The following PC variants were observed in gnomAD, a reference collection of about 807,000 sequenced individuals.
PC encodes pyruvate carboxylase, mitochondrial.
Under a neutral mutation model 107.8 loss-of-function variants are expected in PC, and 46 were observed. The ratio of observed to expected loss-of-function variants is 0.43; its 90% CI spans 0.34 to 0.55. PC has a LOEUF of 0.55. Ranked by LOEUF, PC falls within the 20% of genes least tolerant of loss-of-function variation. PC has a pLI of 0.04. For synonymous variants in PC, 662 were observed against 684.7 expected (o/e 0.97, Z 0.52); for missense variants, 1,241 against 1,643.1 (o/e 0.76, Z 4.23).
At chr11:66,949,607 G>A (rs370378453) in intron 3 of PC, among the ~76,000 whole-genome samples, 6 of 151,958 alleles carry the variant, frequency 3.9e-5, no homozygotes, top group East Asian at 3.9e-4. Context: ...CAGAAGAATC[G>A]CTTGAACCAG....
At chr11:66,911,297 A>G (rs185983344) in intron 3 of PC, among the ~76,000 whole-genome samples, 3 of 152,146 alleles carry the variant, frequency 2.0e-5, no homozygotes, top group East Asian at 1.9e-4. Flanking sequence ...TCATGGCCCT[A>G]TCTCTGCTAC....
In PC at chr11:66,858,516, G is replaced by A. The variant is rs1438542016; in HGVS notation, c.1369-5133C>T. On this transcript the variant is annotated intron_variant, in intron 12 of 22. Coordinates refer to ENST00000393960, the MANE Select transcript of PC (RefSeq NM_001040716.2). The surrounding 1 kb of genome is among the most constrained non-coding windows in gnomAD (Gnocchi z 5.9). ...GCGGCCGGACGACCTGGAAACGTGC[G>A]CCTCCCCGCCCGGCCTGGCCGGCCG... The A allele has an allele frequency of 1.7e-5, 26 of 1,534,868 alleles. No homozygotes were observed. Among genetic ancestry groups the A allele is most frequent in the Non-Finnish European group, 1.9e-5 (22 of 1,146,056 alleles).
In PC at chr11:66,849,359, C is replaced by T; in HGVS notation, c.3159G>A (p.Glu1053=). 6.2e-7 allele frequency: 1 copy of T among 1,612,946 alleles called. No individual in the cohort carries two copies. The highest frequency in any genetic ancestry group is 1.1e-5 in the South Asian group (1 of 91,066). ...CTTTGATGTGCAGCGTCTTGCCCCG[C>T]TCCAGCTCCACCTGCAGGGAGGGTG... ...KIAEEFEVEL[E]RGKTLHIKAL... The change falls in exon 22 of 23, where the codon GAG becomes GAA. Residue 1053 remains glutamate, a synonymous_variant. Coordinates refer to ENST00000393960, the MANE Select transcript of PC (RefSeq NM_001040716.2).
chr11:66,922,242 T>C (rs1033534179), intron 3 of PC, among the ~76,000 whole-genome samples: 3 of 152,040 alleles, frequency 2.0e-5, no homozygotes. Flanking sequence ...CATTCTAAGA[T>C]TAAAACAGTC....
At chr11:66,939,282 G>A (rs999687951) in intron 3 of PC, among the ~76,000 whole-genome samples, 3 of 152,176 alleles carry the variant, frequency 2.0e-5, no homozygotes, top group Non-Finnish European at 4.4e-5. Flanking sequence ...GTTATCCAGA[G>A]ATGATTTAAA....
At chr11:66,869,674 G>A (rs1030093196) in intron 9 of PC, among the ~76,000 whole-genome samples, 5 of 152,308 alleles carry the variant, frequency 3.3e-5, no homozygotes, top group Middle Eastern at 3.4e-3. Flanking sequence ...GGGAGGTGAC[G>A]CATCCTCTGC....
intron 11 of PC, among the ~76,000 whole-genome samples, chr11:66,865,021 T>C (rs1160850027): frequency 6.6e-6 from 1 of 151,966 alleles, no homozygotes; most frequent in Non-Finnish European, 1.5e-5. Flanking sequence ...AAAAATACTC[T>C]GTGATGAGGC....
chr11:66,905,359 G>A (rs1274928748), intron 3 of PC, among the ~76,000 whole-genome samples: 5 of 152,326 alleles, frequency 3.3e-5, no homozygotes. Flanking sequence ...GGGAGAAACA[G>A]GACCGGCTGT....
In PC at chr11:66,852,582, G is replaced by T; in HGVS notation, c.1682C>A (p.Pro561Gln). The T allele has an allele frequency of 1.9e-6, 3 of 1,613,998 alleles. No homozygotes were observed. The highest frequency in any genetic ancestry group is 2.5e-6 in the Non-Finnish European group (3 of 1,180,008). Residue 561 changes from proline (P) to glutamine (Q), a missense_variant, in exon 15 of 23, where the codon CCG becomes CAG. Transcript: ENST00000393960. The surrounding 1 kb of genome is among the most constrained non-coding windows in gnomAD (Gnocchi z 4.7). ...EGFARAVRNH[P>Q]GLLLMDTTFR... The stretch of plus-strand genomic sequence containing the variant: ...GGTCGTGTCCATCAGCAGCAGCCCC[G>T]GGTGGTTCCGCACAGCTCGAGCAAA...
At chr11:66,931,541 T>A (rs1948853472) in intron 3 of PC, among the ~76,000 whole-genome samples, 1 of 151,994 alleles carries the variant, frequency 6.6e-6, no homozygotes, top group South Asian at 2.1e-4. Flanking sequence ...GTTTTAAACA[T>A]GTCTTCTGTT....
intron 3 of PC, among the ~76,000 whole-genome samples, chr11:66,918,419 C>T (rs1318908319): frequency 2.0e-5 from 3 of 151,014 alleles, no homozygotes; most frequent in South Asian, 2.1e-4. Context: ...AACAGAGTCT[C>T]GCTCTATTGC....
chr11:66,858,511 C>T lies in PC; in HGVS notation c.1369-5128G>A. The stretch of plus-strand genomic sequence containing the variant: ...CTGGCGCGGCCGGACGACCTGGAAA[C>T]GTGCGCCTCCCCGCCCGGCCTGGCC... On this transcript the variant is annotated intron_variant, in intron 12 of 22. Coordinates refer to ENST00000393960, the MANE Select transcript of PC (RefSeq NM_001040716.2). The surrounding 1 kb of genome is among the most constrained non-coding windows in gnomAD (Gnocchi z 5.9). 5 of 1,535,636 alleles carry T rather than the reference C, an allele frequency of 3.3e-6. No individual in the cohort carries two copies. Among genetic ancestry groups the T allele is most frequent in the East Asian group, 2.4e-5 (1 of 40,918 alleles).
At chr11:66,867,903 G>A (rs1946563090) in intron 10 of PC, among the ~76,000 whole-genome samples, 1 of 152,264 alleles carries the variant, frequency 6.6e-6, no homozygotes, top group South Asian at 2.1e-4. Flanking sequence ...CTCAGTCTCA[G>A]GTGGGGTTGG....
rs1480699199 is a variant in PC, at chr11:66,861,329, T to G, written c.1368+2445A>C. Among the ~76,000 whole-genome samples, 3 of 152,038 alleles carry G rather than the reference T, an allele frequency of 2.0e-5. No homozygotes were observed. In the East Asian group the frequency reaches 5.8e-4, roughly 29 times the overall value. ...CTGCAGAGGGTCAAGCTCCCCCAGG[T>G]GCTGTATGAAAACTCAGAAGGCGGC... is the stretch of plus-strand genomic sequence containing the variant. On this transcript the variant is annotated intron_variant, in intron 12 of 22. Transcript: ENST00000393960.
intron 3 of PC, among the ~76,000 whole-genome samples, chr11:66,882,622 C>T (rs1469006736): frequency 2.6e-5 from 4 of 152,248 alleles, no homozygotes; most frequent in South Asian, 2.1e-4. Context: ...CAGCTGCCCC[C>T]AGCACCAGCA....
At chr11:66,877,386 A>AAAAAC (rs950444049) in intron 3 of PC, among the ~76,000 whole-genome samples, 5 of 152,246 alleles carry the variant, frequency 3.3e-5, no homozygotes, top group East Asian at 1.9e-4. Flanking sequence ...ACTCCATCTC[A>AAAAAC]AAAACAAAAC....
chr11:66,885,236 C>A (rs1271896365), intron 3 of PC, among the ~76,000 whole-genome samples: 3 of 152,172 alleles, frequency 2.0e-5, no homozygotes, highest in Admixed American at 6.5e-5. Flanking sequence ...CGCCTGTAAT[C>A]CCAGCACTTT....
At chr11:66,896,134 C>T (rs1431716890) in intron 3 of PC, among the ~76,000 whole-genome samples, 1 of 151,934 alleles carries the variant, frequency 6.6e-6, no homozygotes, top group African/African-American at 2.4e-5. Context: ...GTCTGGAGTG[C>T]AGTGGCACAA....
Position 66,871,152 on chromosome 11 carries a change from T to C in PC, c.533A>G (p.His178Arg). The part of the protein sequence containing the change: ...PGTDAPITSL[H>R]EAHEFSNTYG... Reference sequence around the variant, plus strand: ...GGTGTTGGAGAACTCGTGGGCCTCATGCAGGGACGTGATGGGGGCATCTGT... The same window carrying C: ...GGTGTTGGAGAACTCGTGGGCCTCACGCAGGGACGTGATGGGGGCATCTGT... Residue 178 changes from histidine (H) to arginine (R), a missense_variant, in exon 7 of 23, where the codon CAT becomes CGT. Physicochemically the swap from His to Arg is conservative, Grantham distance 29 (BLOSUM62 0). Transcript: ENST00000393960. The surrounding 1 kb of genome is among the most constrained non-coding windows in gnomAD (Gnocchi z 7.4). 4.3e-6 allele frequency: 7 copies of C among 1,613,864 alleles called. No homozygotes were observed. The highest frequency in any genetic ancestry group is 5.9e-6 in the Non-Finnish European group (7 of 1,179,842).
Sources: allele counts gnomAD v4.1 joint callset (sites outside exome capture counted in the v4.1 genomes callset), GRCh38; gene constraint gnomAD v4.1.1; non-coding constraint Gnocchi (gnomAD v3.1); transcripts MANE v1.5; gene names NCBI Gene and HGNC (gene_info 2026-07-23, HGNC 2026-07-21).